PTK2: variants seen among roughly 807,000 people sequenced by gnomAD.
The protein encoded by PTK2 is focal adhesion kinase 1.
In PTK2, 45 loss-of-function variants were observed where a neutral mutation model predicts 150.1. The ratio of observed to expected loss-of-function variants is 0.30; its 90% CI spans 0.24 to 0.38. The LOEUF (loss-of-function observed/expected upper bound fraction) is 0.38, where lower values mean the gene tolerates loss of function less well. Among genes scored for constraint, PTK2 ranks in the 10% least tolerant of loss-of-function variants. The pLI, the probability that PTK2 is intolerant of heterozygous loss-of-function variation, is 1.00. For synonymous variants in PTK2, 432 were observed against 449.2 expected (o/e 0.96, Z 0.48); for missense variants, 919 against 1,307.3 (o/e 0.70, Z 4.58).
At chr8:140,717,576 T>G in intron 23 of PTK2, 22 bp downstream of exon 26, 2 of 1,571,682 alleles carry the variant, frequency 1.3e-6, no homozygotes, top group Non-Finnish European at 1.8e-6. Flanking sequence ...AACCCCAAAG[T>G]TGGGGTGGGG....
In PTK2 at chr8:140,671,499, C is replaced by T. The variant is rs141098780; in HGVS notation, c.2709+2799G>A. ...GGCCTCTCAGTGTTGGAATTACAGG[C>T]GTGAGCCACTGTGCCTAGCTGCATT... On this transcript the variant is annotated intron_variant, in intron 29 of 31. Transcript: ENST00000522684. Among the ~76,000 whole-genome samples, 333 of 152,218 alleles carry T rather than the reference C, an allele frequency of 2.2e-3. 2 individuals carry two copies. Among genetic ancestry groups the T allele is most frequent in the African/African-American group, 7.4e-3 (308 of 41,532 alleles).
At chr8:140,794,672 T>A (rs927055074) in intron 12 of PTK2, among the ~76,000 whole-genome samples, 5 of 152,220 alleles carry the variant, frequency 3.3e-5, no homozygotes, top group African/African-American at 7.2e-5. Flanking sequence ...TCTTCTGCCC[T>A]CTCATGGCAC....
intron 29 of PTK2, 62 bp from the exon 33 acceptor site, chr8:140,669,797 A>G: frequency 6.8e-7 from 1 of 1,470,040 alleles, no homozygotes; most frequent in Admixed American, 2.0e-5. Context: ...GGAAAAAAGA[A>G]AAACAATATT....
chr8:140,877,025 C>CTTTTTTT (rs60000363), intron 4 of PTK2, among the ~76,000 whole-genome samples: 7 of 71,830 alleles, frequency 9.7e-5, no homozygotes, highest in Admixed American at 4.0e-4. Flanking sequence ...TTCACTAATC[C>CTTTTTTT]TTTTTTTTTT....
chr8:140,805,018 C>A (rs2100097456), intron 10 of PTK2, among the ~76,000 whole-genome samples: 1 of 152,136 alleles, frequency 6.6e-6, no homozygotes. Context: ...TGTGAAAGGG[C>A]TGCAGGGCTC....
chr8:140,747,927 C>T (rs2100060402), intron 17 of PTK2, among the ~76,000 whole-genome samples: 1 of 152,014 alleles, frequency 6.6e-6, no homozygotes, highest in African/African-American at 2.4e-5. Context: ...AATTCATTTA[C>T]TAAGCAACCA....
chr8:140,951,694 G>A (rs1174392147), intron 1 of PTK2, among the ~76,000 whole-genome samples: 3 of 152,032 alleles, frequency 2.0e-5, no homozygotes, highest in Non-Finnish European at 4.4e-5. Flanking sequence ...ACCAGCTTGG[G>A]AAACAAAGGA....
At chr8:140,730,009 T>C (rs1467714924) in intron 22 of PTK2, among the ~76,000 whole-genome samples, 3 of 152,236 alleles carry the variant, frequency 2.0e-5, no homozygotes, top group Non-Finnish European at 2.9e-5. Context: ...CATTGCTCTA[T>C]AACTACTAGT....
chr8:140,855,306 G>T (rs887034927), intron 5 of PTK2, among the ~76,000 whole-genome samples: 1 of 151,992 alleles, frequency 6.6e-6, no homozygotes, highest in Admixed American at 6.6e-5. Context: ...AAAAAAAAAG[G>T]GGGGGGTCGC....
At chr8:140,925,409 C>T (rs1358328536) in intron 2 of PTK2, among the ~76,000 whole-genome samples, 5 of 152,140 alleles carry the variant, frequency 3.3e-5, no homozygotes, top group African/African-American at 7.2e-5. Context: ...TCTCATACTG[C>T]GCTCATTTCC....
chr8:140,889,704 A>C (rs775711404), intron 3 of PTK2, among the ~76,000 whole-genome samples: 2 of 152,186 alleles, frequency 1.3e-5, no homozygotes, highest in Non-Finnish European at 2.9e-5. Flanking sequence ...TTCTCCTTAA[A>C]GATGAATATA....
intron 1 of PTK2, among the ~76,000 whole-genome samples, chr8:140,987,416 A>G (rs1255727440): frequency 6.6e-6 from 1 of 152,160 alleles, no homozygotes; most frequent in African/African-American, 2.4e-5. Context: ...CTTGACCTTA[A>G]GTGATCCACC....
chr8:140,770,897 CAG>C, intron 14 of PTK2, 98 bp from the exon 15 acceptor site: 2 of 407,124 alleles, frequency 4.9e-6, no homozygotes, highest in Non-Finnish European at 7.4e-6. Context: ...TCTATAAAAA[CAG>C]ATACAAAATT....
chr8:140,992,102 G>C (rs184455663), intron 1 of PTK2, among the ~76,000 whole-genome samples: 44 of 152,200 alleles, frequency 2.9e-4, no homozygotes, highest in African/African-American at 9.9e-4. Flanking sequence ...GACCAGCCTG[G>C]CCAACATGGT....
At chr8:140,828,946 T>C (rs2100113604) in intron 8 of PTK2, among the ~76,000 whole-genome samples, 1 of 152,240 alleles carries the variant, frequency 6.6e-6, no homozygotes, top group Non-Finnish European at 1.5e-5. Flanking sequence ...CTTTCAAATC[T>C]GACTCAACCC....
intron 1 of PTK2, among the ~76,000 whole-genome samples, chr8:140,977,263 A>G (rs2100189601): frequency 6.6e-6 from 1 of 152,054 alleles, no homozygotes; most frequent in Non-Finnish European, 1.5e-5. Context: ...GGTAATGTGT[A>G]CACCTGCTAG....
chr8:140,832,850 G>A, intron 7 of PTK2: 2 of 518,832 alleles, frequency 3.9e-6, no homozygotes, highest in South Asian at 1.4e-5. Context: ...CTTCTAGTAG[G>A]GATTTCAAGA....
intron 7 of PTK2, among the ~76,000 whole-genome samples, chr8:140,842,709 G>A (rs1364373654): frequency 6.6e-6 from 1 of 152,076 alleles, no homozygotes; most frequent in Non-Finnish European, 1.5e-5. Flanking sequence ...TAACTGCAAC[G>A]AATCACTACA....
chr8:140,761,087 T>C, intron 16 of PTK2, 78 bp downstream of exon 19: 1 of 916,816 alleles, frequency 1.1e-6, no homozygotes, highest in Non-Finnish European at 1.8e-6. Context: ...AACTAAGGAC[T>C]CATGAAGACA....
Sources: allele counts gnomAD v4.1 joint callset (sites outside exome capture counted in the v4.1 genomes callset), GRCh38; gene constraint gnomAD v4.1.1; transcripts MANE v1.5; gene names NCBI Gene and HGNC (gene_info 2026-07-23, HGNC 2026-07-21).